Variants in GTF2IRD1 observed in about 807,000 individuals in gnomAD.
GTF2IRD1 encodes general transcription factor II-I repeat domain-containing protein 1.
Under a neutral mutation model 113.2 loss-of-function variants are expected in GTF2IRD1, and 26 were observed. The observed-to-expected ratio is 0.23, with a 90% CI of 0.17 to 0.32. The LOEUF (loss-of-function observed/expected upper bound fraction) is 0.32, where lower values mean the gene tolerates loss of function less well. GTF2IRD1 is among the 10% of genes least tolerant of loss of function. GTF2IRD1 has a pLI of 1.00. For synonymous variants in GTF2IRD1, 484 were observed against 529.1 expected (o/e 0.91, Z 1.17); for missense variants, 864 against 1,280.8 (o/e 0.67, Z 4.97).
chr7:74,539,948 A>G lies in GTF2IRD1; in HGVS notation c.1598A>G (p.Tyr533Cys). 1 of 1,612,892 alleles carries G rather than the reference A, an allele frequency of 6.2e-7. No homozygotes were observed. ...PGHLPSEDSG[Y>C]GMEMLTDKGL... ...CACCTGCCATCGGAGGATTCTGGTT[A>G]TGGGATGGAGATGCTGACAGGTAAG... Residue 533 changes from tyrosine (Y) to cysteine (C), a missense_variant, in exon 14 of 27, where the codon TAT (tyrosine) becomes TGT (cysteine). By Grantham distance (194) the Tyr-to-Cys change is radical (BLOSUM62 -2). Coordinates refer to ENST00000424337, the MANE Select transcript of GTF2IRD1 (RefSeq NM_005685.4).
intron 1 of GTF2IRD1, among the ~76,000 whole-genome samples, chr7:74,501,034 C>T (rs552493058): frequency 7.2e-5 from 11 of 152,262 alleles, no homozygotes; most frequent in African/African-American, 1.9e-4. Flanking sequence ...TTCTGAAGCT[C>T]TGGGGACACT....
At chr7:74,540,112 C>T (rs1403269330) in intron 14 of GTF2IRD1, 144 bp downstream of exon 14, 5 of 584,962 alleles carry the variant, frequency 8.5e-6, no homozygotes, top group African/African-American at 5.7e-5. Context: ...TGACCCTAAT[C>T]CAAGGCTGGG....
At chr7:74,521,867 C>T (rs1797319921) in intron 7 of GTF2IRD1, among the ~76,000 whole-genome samples, 2 of 152,134 alleles carry the variant, frequency 1.3e-5, no homozygotes, top group Admixed American at 6.6e-5. Context: ...CGGGACTGGC[C>T]GAGTTGGGCA....
chr7:74,539,575 C>A (rs1244592037), intron 13 of GTF2IRD1, among the ~76,000 whole-genome samples: 3 of 152,140 alleles, frequency 2.0e-5, no homozygotes, highest in Non-Finnish European at 4.4e-5. Flanking sequence ...GAAACCCCAT[C>A]TCTACTAAAA....
intron 26 of GTF2IRD1, chr7:74,601,449 C>A: frequency 1.4e-6 from 2 of 1,451,876 alleles, no homozygotes; most frequent in Non-Finnish European, 1.8e-6. Flanking sequence ...CCTGCCCACA[C>A]CCTTCAGCCG....
chr7:74,456,787 T>G (rs781948194), intron 1 of GTF2IRD1, among the ~76,000 whole-genome samples: 4 of 152,112 alleles, frequency 2.6e-5, no homozygotes, highest in Non-Finnish European at 5.9e-5. Flanking sequence ...TCTCGAAGGT[T>G]CTTCTTGGCC....
rs112533911 is a variant in GTF2IRD1 at position 74,457,129 on chromosome 7, C to T, written c.-7+2953C>T. On this transcript the variant is annotated intron_variant, in intron 1 of 26. Transcript: ENST00000424337. ...CCCCAGCCTCACAAGTAGCTGGGACCGCAGACAAGGGCCACTACACCTGGT... is the reference window on the plus strand; with the variant it reads ...CCCCAGCCTCACAAGTAGCTGGGACTGCAGACAAGGGCCACTACACCTGGT... 9.9e-5 allele frequency among the ~76,000 whole-genome samples: 15 copies of T among 151,942 alleles called. 1 individual carries two copies. The highest frequency in any genetic ancestry group is 3.4e-4 in the African/African-American group (14 of 41,420).
chr7:74,468,635 G>A (rs1432432061), intron 1 of GTF2IRD1, among the ~76,000 whole-genome samples: 10 of 147,040 alleles, frequency 6.8e-5, no homozygotes, highest in Non-Finnish European at 7.5e-5. Context: ...CTCCAGCCTG[G>A]CGACAGAGCA....
chr7:74,508,017 C>CA, intron 1 of GTF2IRD1, 58 bp from the exon 2 acceptor site: 1 of 1,550,778 alleles, frequency 6.4e-7, no homozygotes, highest in Non-Finnish European at 8.7e-7. Context: ...GGGCAGCCAC[C>CA]ATATGAGACA....
Position 74,515,423 on chromosome 7 carries a change from G to A in GTF2IRD1, c.266-18G>A, listed in dbSNP as rs782438908. On this transcript the variant is annotated intron_variant, in intron 3 of 26. Transcript: ENST00000424337. ...AGACGGGTGCTCACTGTGGCCTCGC[G>A]TGCTCTGTGTCCCACAGGAGGGCCC... 1.1e-5 allele frequency: 17 copies of A among 1,566,730 alleles called. No homozygotes were observed. Among genetic ancestry groups the A allele is most frequent in the Middle Eastern group, 1.7e-4 (1 of 6,024 alleles).
intron 22 of GTF2IRD1, among the ~76,000 whole-genome samples, chr7:74,563,562 A>T (rs1668112436): frequency 6.9e-6 from 1 of 145,768 alleles, no homozygotes; most frequent in Non-Finnish European, 1.5e-5. Context: ...GGGCAACAAG[A>T]GTGAAACTCC....
Position 74,557,623 on chromosome 7 carries a change from G to T in GTF2IRD1, c.2024-16G>T. 6.2e-7 allele frequency: 1 copy of T among 1,601,648 alleles called. No individual in the cohort carries two copies. The highest frequency in any genetic ancestry group is 8.6e-7 in the Non-Finnish European group (1 of 1,169,136). On this transcript the variant is annotated splice_polypyrimidine_tract_variant and intron_variant, in intron 19 of 26. Transcript: ENST00000424337. The stretch of plus-strand genomic sequence containing the variant: ...CACTCAACAGCCCAAACCCATAATC[G>T]TTTTGCGCTTTGCAGAAAATTATGA...
intron 6 of GTF2IRD1, among the ~76,000 whole-genome samples, chr7:74,520,551 G>A (rs1797223253): frequency 6.6e-6 from 1 of 152,058 alleles, no homozygotes; most frequent in South Asian, 2.1e-4. Context: ...CTGCAGTCTT[G>A]CTGAATCTGA....
intron 9 of GTF2IRD1, among the ~76,000 whole-genome samples, 179 bp from the exon 10 acceptor site, chr7:74,534,934 A>G (rs1476257463): frequency 1.3e-4 from 20 of 151,994 alleles, no homozygotes; most frequent in African/African-American, 4.1e-4. Context: ...ACGGTTTGGG[A>G]TGTTCTGAGG....
At chr7:74,504,727 T>A (rs1463672987) in intron 1 of GTF2IRD1, among the ~76,000 whole-genome samples, 3 of 143,336 alleles carry the variant, frequency 2.1e-5, no homozygotes, top group East Asian at 2.3e-4. Flanking sequence ...TTTTTTTTTT[T>A]AATGGAGTGT....
intron 1 of GTF2IRD1, among the ~76,000 whole-genome samples, chr7:74,459,810 C>T (rs1554328597): frequency 1.3e-5 from 2 of 152,106 alleles, no homozygotes; most frequent in African/African-American, 4.8e-5. Context: ...TATCTGCCAA[C>T]CCTACAACTG....
At chr7:74,527,611 G>A (rs1797677488) in intron 8 of GTF2IRD1, among the ~76,000 whole-genome samples, 1 of 152,244 alleles carries the variant, frequency 6.6e-6, no homozygotes, top group African/African-American at 2.4e-5. Flanking sequence ...GGAGGCCAAG[G>A]CAGGCGGATC....
chr7:74,467,061 C>T (rs1554331019), intron 1 of GTF2IRD1, among the ~76,000 whole-genome samples: 11 of 151,654 alleles, frequency 7.3e-5, no homozygotes, highest in Non-Finnish European at 1.6e-4. Context: ...AGCAATTCTG[C>T]CTTAGCCCTC....
Position 74,468,295 on chromosome 7 carries a change from A to T in GTF2IRD1, c.-7+14119A>T, listed in dbSNP as rs1370107624. 1.3e-4 allele frequency among the ~76,000 whole-genome samples: 20 copies of T among 151,544 alleles called. No homozygotes were observed. In the Admixed American group the frequency reaches 1.3e-3, roughly 10 times the overall value. ...GATGGGCAGATTGCTTGAGCTTAGG[A>T]GTTTGAGACCGGCCTGGGCAACGTA... On this transcript the variant is annotated intron_variant, in intron 1 of 26. Coordinates refer to ENST00000424337, the MANE Select transcript of GTF2IRD1 (RefSeq NM_005685.4).
Sources: allele counts gnomAD v4.1 joint callset (sites outside exome capture counted in the v4.1 genomes callset), GRCh38; gene constraint gnomAD v4.1.1; transcripts MANE v1.5; gene names NCBI Gene and HGNC (gene_info 2026-07-23, HGNC 2026-07-21).